The following AK1 variants were observed in gnomAD, a reference collection of about 807,000 sequenced individuals.
The protein encoded by AK1 is adenylate kinase 1, also known as adenylate kinase isoenzyme 1.
A neutral mutation model predicts 23.9 loss-of-function variants in AK1; 13 were observed. The ratio of observed to expected loss-of-function variants is 0.54; its 90% CI spans 0.35 to 0.86. AK1 has a LOEUF of 0.86. Among genes scored for constraint, AK1 ranks in the 40% least tolerant of loss-of-function variants. The pLI is 0.01. For missense variants in AK1, 214 were observed against 255.1 expected, an observed-to-expected ratio of 0.84 and a Z score of 1.10; for synonymous variants, 97 against 102.8, an observed-to-expected ratio of 0.94 and a Z score of 0.34.
At chr9:127,874,438 G>A (rs989457760) in intron 2 of AK1, 173 bp downstream of exon 2, 1 of 985,344 alleles carries the variant, frequency 1.0e-6, no homozygotes, top group African/African-American at 1.7e-5. Context: ...TCTTGGAGCT[G>A]GCACATCCCG....
chr9:127,878,155 G>A (rs187948230), upstream of AK1, among the ~76,000 whole-genome samples: 6 of 152,308 alleles, frequency 3.9e-5, no homozygotes, highest in Admixed American at 3.9e-4. Flanking sequence ...CCTGCCCAGA[G>A]GCCCTGGCCG....
At chr9:127,873,275 G>A in intron 2 of AK1, 1 of 1,532,708 alleles carries the variant, frequency 6.5e-7, no homozygotes, top group South Asian at 1.2e-5. Context: ...GGTGCTCCAG[G>A]CAGCCAGACG....
upstream of AK1, among the ~76,000 whole-genome samples, chr9:127,879,133 T>C (rs1176713303): frequency 2.0e-5 from 3 of 151,788 alleles, no homozygotes; most frequent in African/African-American, 7.3e-5. Context: ...CTTTAAGAAA[T>C]TTGTTTCAAG....
At chr9:127,874,455 G>A (rs1829491754) in intron 2 of AK1, 156 bp downstream of exon 2, 1 of 985,210 alleles carries the variant, frequency 1.0e-6, no homozygotes, top group Admixed American at 6.1e-5. Flanking sequence ...CCCGTGAGAG[G>A]CCAGAGGAGG....
chr9:127,877,528 AGGGAGCCCC>A lies in AK1; in HGVS notation c.-33+86_-33+94del, dbSNP rs1829568575. ...ACGGATACACAGCCGCACAGCCCCC[AGGGAGCCCC>A]GCACCAGCACGCCCCCGCCCTCCCC... is the stretch of plus-strand genomic sequence containing the variant. On this transcript the variant is annotated intron_variant, in intron 1 of 6. Coordinates refer to ENST00000644144, the MANE Select transcript of AK1 (RefSeq NM_000476.3). This position sits in a 1 kb window ranked among gnomAD's most constrained non-coding sequence, Gnocchi z 5.2. 1 of 152,760 alleles carries A rather than the reference AGGGAGCCCC, an allele frequency of 6.5e-6. No homozygotes were observed. The highest frequency in any genetic ancestry group is 2.4e-5 in the African/African-American group (1 of 41,362). The allele number at this position is 152,760 out of a possible 1,614,324, so 9.5% of individuals were successfully genotyped here.
intron 2 of AK1, chr9:127,873,913 C>T (rs1196920953): frequency 8.1e-6 from 8 of 985,306 alleles, no homozygotes; most frequent in African/African-American, 5.2e-5. Context: ...TGGGCGGCTC[C>T]CAGGGGCCCT....
chr9:127,873,420 C>A, intron 2 of AK1: 2 of 1,570,820 alleles, frequency 1.3e-6, no homozygotes, highest in Non-Finnish European at 1.7e-6. Flanking sequence ...GTCTTCTCTG[C>A]GGGGGTCACT....
upstream of AK1, among the ~76,000 whole-genome samples, chr9:127,877,959 A>C (rs1829579731): frequency 6.6e-6 from 1 of 152,214 alleles, no homozygotes; most frequent in Non-Finnish European, 1.5e-5. This position sits in a 1 kb window ranked among gnomAD's most constrained non-coding sequence, Gnocchi z 5.2. Flanking sequence ...CTCAAGGTAC[A>C]CTCCAGGGTA....
chr9:127,873,557 T>G, intron 2 of AK1: 1 of 1,434,580 alleles, frequency 7.0e-7, no homozygotes, highest in Non-Finnish European at 9.1e-7. Flanking sequence ...CCACAACATA[T>G]GTTGCCATGG....
rs1367249180 is a variant in AK1 at position 127,867,750 on chromosome 9, G to C, written c.*258C>G. On this transcript the variant is annotated 3_prime_UTR_variant, in exon 7 of 7. Transcript: ENST00000644144. The stretch of plus-strand genomic sequence containing the variant: ...CAAAGGGAGGCTGAGGAGGAACGGA[G>C]GGTTGAGGGGCTGGGGACTTGCGGC... 2.1e-6 allele frequency: 1 copy of C among 480,432 alleles called. No homozygotes were observed. Among genetic ancestry groups the C allele is most frequent in the Non-Finnish European group, 3.8e-6 (1 of 262,624 alleles). The allele number at this position is 480,432 out of a possible 1,614,324, so 29.8% of individuals were successfully genotyped here.
Position 127,866,761 on chromosome 9 carries a change from A to G in AK1, c.*1247T>C, listed in dbSNP as rs1427755353. On this transcript the variant is annotated 3_prime_UTR_variant, in exon 7 of 7. Transcript: ENST00000644144. ...CCCAGGGGATTCTGGGGTGTCCCCAAGTCATCCGGGGCCCCGCACGCTTCG... is the reference window on the plus strand; with the variant it reads ...CCCAGGGGATTCTGGGGTGTCCCCAGGTCATCCGGGGCCCCGCACGCTTCG... 4 of 152,352 alleles carry G rather than the reference A, an allele frequency of 2.6e-5. No individual in the cohort carries two copies. Among genetic ancestry groups the G allele is most frequent in the Middle Eastern group, 3.4e-3 (1 of 294 alleles). The allele number at this position is 152,352 out of a possible 1,614,324, so 9.4% of individuals were successfully genotyped here.
rs1049892553 is a variant in AK1, at chr9:127,868,695, C to T, written c.325-183G>A. Among the ~76,000 whole-genome samples the T allele has an allele frequency of 1.3e-5, 2 of 152,152 alleles. No individual in the cohort carries two copies. Among genetic ancestry groups the T allele is most frequent in the Non-Finnish European group, 2.9e-5 (2 of 68,012 alleles). The stretch of plus-strand genomic sequence containing the variant: ...GCCACTCCCCTGCTCAAACCTACAC[C>T]ATGGCTCCCCAGTGCCCTCAGGAGA... On this transcript the variant is annotated intron_variant, in intron 5 of 6. Coordinates refer to ENST00000644144, the MANE Select transcript of AK1 (RefSeq NM_000476.3). The surrounding 1 kb of genome is among the most constrained non-coding windows in gnomAD (Gnocchi z 4.1).
intron 4 of AK1, 86 bp downstream of exon 4, chr9:127,872,604 T>C (rs1406931022): frequency 1.3e-6 from 2 of 1,575,302 alleles, no homozygotes; most frequent in Non-Finnish European, 1.7e-6. Context: ...CAGCTTTGCC[T>C]GTGTGCCGTG....
At position 127,877,180 on chromosome 9, in the gene AK1, C is replaced by T. The variant is rs1162675397; in HGVS notation, c.-33+443G>A. ...CTCTGAGCATCCAGGGGGTGTTCTC[C>T]AATGCACCCAGCACTAGAAGTGGAG... On this transcript the variant is annotated intron_variant, in intron 1 of 6. Coordinates refer to ENST00000644144, the MANE Select transcript of AK1 (RefSeq NM_000476.3). The surrounding 1 kb of genome is among the most constrained non-coding windows in gnomAD (Gnocchi z 5.2). Among the ~76,000 whole-genome samples the T allele has an allele frequency of 2.0e-5, 3 of 152,160 alleles. No homozygotes were observed. The highest frequency in any genetic ancestry group is 4.4e-5 in the Non-Finnish European group (3 of 68,018).
intron 2 of AK1, chr9:127,873,899 G>A (rs1829477366): frequency 5.1e-6 from 5 of 985,260 alleles, no homozygotes; most frequent in Non-Finnish European, 6.0e-6. Flanking sequence ...GGGAGGAGGT[G>A]GGCTGGGCGG....
Position 127,873,077 on chromosome 9 carries a change from G to C in AK1, c.8-16C>G. 6.2e-7 allele frequency: 1 copy of C among 1,612,884 alleles called. No homozygotes were observed. The highest frequency in any genetic ancestry group is 1.1e-5 in the South Asian group (1 of 90,842). On this transcript the variant is annotated splice_polypyrimidine_tract_variant and intron_variant, in intron 2 of 6. Coordinates refer to ENST00000644144, the MANE Select transcript of AK1 (RefSeq NM_000476.3). ...TTCAGCTTCTCTGCGGGAGAGAAAA[G>C]GGGAGCAGGGCTCAGTCACTCGCTG...
chr9:127,873,343 C>T, intron 2 of AK1: 1 of 1,550,534 alleles, frequency 6.4e-7, no homozygotes, highest in South Asian at 1.2e-5. Context: ...GGCTGGGCCG[C>T]CAGCCCTCAT....
chr9:127,871,690 T>G lies in AK1; in HGVS notation c.324+133A>C, dbSNP rs1829413233. The G allele has an allele frequency of 1.3e-6, 1 of 777,764 alleles. No homozygotes were observed. The highest frequency in any genetic ancestry group is 2.3e-6 in the Non-Finnish European group (1 of 439,502). 48.2% of individuals were successfully genotyped at this position (777,764 alleles called of 1,614,324 possible). ...CAGAAAGTCTTCCTGGTTTTCCTCC[T>G]CACCCACACTCCATGAATCAGCCTC... On this transcript the variant is annotated intron_variant, in intron 5 of 6. Transcript: ENST00000644144. The surrounding 1 kb of genome is among the most constrained non-coding windows in gnomAD (Gnocchi z 4.4).
At chr9:127,869,377 AC>A (rs1324846948) in intron 5 of AK1, 1 of 153,454 alleles carries the variant, frequency 6.5e-6, no homozygotes, top group East Asian at 1.9e-4. Flanking sequence ...TTGGCCCTGG[AC>A]CCCTGTCAAG....
Sources: allele counts gnomAD v4.1 joint callset (sites outside exome capture counted in the v4.1 genomes callset), GRCh38; gene constraint gnomAD v4.1.1; non-coding constraint Gnocchi (gnomAD v3.1); transcripts MANE v1.5; gene names NCBI Gene and HGNC (gene_info 2026-07-23, HGNC 2026-07-21).